PGR: variants seen among roughly 807,000 people sequenced by gnomAD.
PGR encodes progesterone receptor.
Under a neutral mutation model 76.1 loss-of-function variants are expected in PGR, and 25 were observed. That is an observed-to-expected ratio of 0.33 (90% CI 0.24 to 0.46). PGR has a LOEUF of 0.46. Among genes scored for constraint, PGR ranks in the 20% least tolerant of loss-of-function variants. PGR has a pLI of 1.00. For missense variants in PGR, 1,172 were observed against 1,225.3 expected (o/e 0.96, Z 0.65); for synonymous variants, 579 against 535.0 (o/e 1.08, Z -1.14).
intron 3 of PGR, among the ~76,000 whole-genome samples, chr11:101,067,179 A>AT (rs2094399234): frequency 6.6e-6 from 1 of 151,894 alleles, no homozygotes; most frequent in Non-Finnish European, 1.5e-5. Flanking sequence ...GCATGAAATG[A>AT]TTTTTTCCTT....
In PGR at chr11:101,128,725, C is replaced by G. The variant is rs1862985470; in HGVS notation, c.346G>C (p.Asp116His). The change falls in exon 1 of 8, where the codon GAC becomes CAC. Residue 116 changes from aspartate (D) to histidine (H), a missense_variant. By Grantham distance (81) the Asp-to-His change is moderately conservative. Transcript: ENST00000325455. The stretch of plus-strand genomic sequence containing the variant: ...GGACCTGAGGGCGCCAACAGAGTGT[C>G]CAAGACACTGTCCAGCAGTCCGCTG... The part of the protein sequence containing the change: ...KDSGLLDSVL[D>H]TLLAPSGPGQ... 9 of 1,612,126 alleles carry G rather than the reference C, an allele frequency of 5.6e-6. No individual in the cohort carries two copies. In the South Asian group the frequency reaches 9.9e-5, roughly 18 times the overall value.
At chr11:101,054,212 A>G (rs1860208330) in intron 4 of PGR, among the ~76,000 whole-genome samples, 1 of 151,946 alleles carries the variant, frequency 6.6e-6, no homozygotes, top group Non-Finnish European at 1.5e-5. Flanking sequence ...TTTGTTTTTA[A>G]AAGTCAGGGT....
Position 101,030,746 on chromosome 11 carries a change from G to A in PGR, c.*8370C>T. ...TAGGGCTTTCTCAAGCGAAAAACAT[G>A]GTCTAAATCTCAAAGGTATCCTTAA... On this transcript the variant is annotated 3_prime_UTR_variant, in exon 8 of 8. Transcript: ENST00000325455. 4.9e-6 allele frequency: 1 copy of A among 205,356 alleles called. No individual in the cohort carries two copies. Among genetic ancestry groups the A allele is most frequent in the Non-Finnish European group, 1.0e-5 (1 of 100,242 alleles). The allele number at this position is 205,356 out of a possible 1,614,324, so 12.7% of individuals were successfully genotyped here. A position where few individuals can be genotyped will look rare whatever the true frequency, so the allele number is the denominator to read the frequency against.
At chr11:101,083,632 A>G (rs908272794) in intron 3 of PGR, among the ~76,000 whole-genome samples, 19 of 152,202 alleles carry the variant, frequency 1.2e-4, no homozygotes, top group African/African-American at 4.3e-4. Flanking sequence ...TGGAGACAAA[A>G]GAGATTATTT....
At chr11:101,064,220 A>G (rs1860620581) in intron 3 of PGR, among the ~76,000 whole-genome samples, 1 of 150,724 alleles carries the variant, frequency 6.6e-6, no homozygotes, top group Non-Finnish European at 1.5e-5. Context: ...AATCCCAGTT[A>G]CTCCAGAGGC....
intron 3 of PGR, among the ~76,000 whole-genome samples, chr11:101,067,296 A>C (rs1451147441): frequency 6.6e-6 from 1 of 152,196 alleles, no homozygotes; most frequent in Non-Finnish European, 1.5e-5. Context: ...ATATATACCC[A>C]AAATACACAA....
intron 3 of PGR, among the ~76,000 whole-genome samples, chr11:101,065,781 G>T (rs908997251): frequency 6.6e-6 from 1 of 152,014 alleles, no homozygotes; most frequent in African/African-American, 2.4e-5. Flanking sequence ...AGACGCTGGG[G>T]GTGAGCAAGG....
chr11:101,063,861 T>C (rs1172325681), intron 3 of PGR: 2 of 152,182 alleles, frequency 1.3e-5, no homozygotes, highest in Non-Finnish European at 2.9e-5. Context: ...GGATGGGGCA[T>C]GTGTATTCCA....
In PGR at chr11:101,128,948, G is replaced by C; in HGVS notation, c.123C>G (p.Thr41=). The part of the protein sequence containing the change: ...PAAGPFPGSQ[T]SDTLPEVSAI... ...CCGAAACTTCAGGCAAGGTGTCCGA[G>C]GTCTGGCTCCCCGGGAACGGACCTG... The change falls in exon 1 of 8, where the codon ACC becomes ACG. Residue 41 remains threonine, a synonymous_variant. Coordinates refer to ENST00000325455, the MANE Select transcript of PGR (RefSeq NM_000926.4). The C allele has an allele frequency of 1.2e-6, 2 of 1,610,084 alleles. No individual in the cohort carries two copies. Among genetic ancestry groups the C allele is most frequent in the Non-Finnish European group, 1.7e-6 (2 of 1,177,352 alleles).
chr11:101,068,377 C>T (rs761258205), intron 3 of PGR, among the ~76,000 whole-genome samples: 1 of 151,988 alleles, frequency 6.6e-6, no homozygotes, highest in Admixed American at 6.6e-5. Flanking sequence ...AGGGCACAAA[C>T]AAATGGAAAA....
chr11:101,110,155 C>T (rs926014924), intron 2 of PGR, among the ~76,000 whole-genome samples: 45 of 152,292 alleles, frequency 3.0e-4, no homozygotes, highest in Non-Finnish European at 1.5e-4. Flanking sequence ...AACATCTATT[C>T]TGCAGCCCAT....
At chr11:101,083,010 CA>C (rs1861360457) in intron 3 of PGR, among the ~76,000 whole-genome samples, 1 of 152,208 alleles carries the variant, frequency 6.6e-6, no homozygotes, top group East Asian at 1.9e-4. Context: ...CCCCTCCCAT[CA>C]CAGGCACAGA....
intron 2 of PGR, among the ~76,000 whole-genome samples, chr11:101,113,459 G>C (rs1862407579): frequency 1.3e-5 from 2 of 151,450 alleles, no homozygotes; most frequent in Non-Finnish European, 2.9e-5. Context: ...GTAGAGACGG[G>C]GTTTCTTTCA....
intron 6 of PGR, among the ~76,000 whole-genome samples, chr11:101,046,292 A>ATTTTTTTTTT (rs540943297): frequency 9.1e-5 from 6 of 66,292 alleles, no homozygotes; most frequent in Non-Finnish European, 1.5e-4. Flanking sequence ...CGCCTGGCTA[A>ATTTTTTTTTT]TTTTTTTTTT....
At chr11:101,062,347 G>A (rs1245279140) in intron 4 of PGR, 100 bp downstream of exon 4, 5 of 877,234 alleles carry the variant, frequency 5.7e-6, no homozygotes, top group Middle Eastern at 2.4e-4. Flanking sequence ...GTTTTATATT[G>A]TAGTTAATTT....
At chr11:101,100,008 G>A (rs551543825) in intron 2 of PGR, among the ~76,000 whole-genome samples, 1 of 152,306 alleles carries the variant, frequency 6.6e-6, no homozygotes, top group East Asian at 1.9e-4. Context: ...GGGCAAAGAA[G>A]AAATCTAAAC....
chr11:101,053,965 G>GA (rs1565334335), intron 4 of PGR, among the ~76,000 whole-genome samples: 1 of 152,058 alleles, frequency 6.6e-6, no homozygotes, highest in African/African-American at 2.4e-5. Flanking sequence ...TTGGCCCATG[G>GA]AACATATACT....
intron 3 of PGR, among the ~76,000 whole-genome samples, chr11:101,084,634 G>T (rs541936142): frequency 4.3e-4 from 65 of 149,492 alleles, no homozygotes; most frequent in African/African-American, 1.6e-3. Flanking sequence ...CTCCAGCCTG[G>T]GCATCAGAGT....
At chr11:101,084,421 G>T (rs1303370600) in intron 3 of PGR, among the ~76,000 whole-genome samples, 1 of 152,100 alleles carries the variant, frequency 6.6e-6, no homozygotes, top group Non-Finnish European at 1.5e-5. Flanking sequence ...ACTTTGGGAG[G>T]CTGAGGCGGG....
Sources: allele counts gnomAD v4.1 joint callset (sites outside exome capture counted in the v4.1 genomes callset), GRCh38; gene constraint gnomAD v4.1.1; transcripts MANE v1.5; gene names NCBI Gene and HGNC (gene_info 2026-07-23, HGNC 2026-07-21).